The following NAPRT variants were observed in gnomAD, a reference collection of about 807,000 sequenced individuals.
NAPRT encodes nicotinate phosphoribosyltransferase.
Under a neutral mutation model 60.7 loss-of-function variants are expected in NAPRT, and 66 were observed. The observed-to-expected ratio is 1.09, with a 90% CI of 0.89 to 1.33. The LOEUF (loss-of-function observed/expected upper bound fraction) is 1.33. Among genes scored for constraint, NAPRT ranks in the 40% most tolerant of loss-of-function variants. NAPRT has a pLI of 0.00. For synonymous variants in NAPRT, 405 were observed against 335.7 expected (o/e 1.21, Z -2.26); for missense variants, 818 against 731.5 (o/e 1.12, Z -1.36).
At chr8:143,577,537 G>A in intron 3 of NAPRT, 120 bp downstream of exon 3, 1 of 1,451,702 alleles carries the variant, frequency 6.9e-7, no homozygotes. Flanking sequence ...GAAGAGTGGG[G>A]GCGGGAGGCC....
rs1024193103 is a variant in NAPRT at position 143,578,300 on chromosome 8, G to C, written c.19C>G (p.Pro7Ala). The change falls in exon 1 of 13, where the codon CCC becomes GCC. Residue 7 changes from proline (P) to alanine (A), a missense_variant. Physicochemically the swap from Pro to Ala is conservative, Grantham distance 27 (BLOSUM62 -1). Coordinates refer to ENST00000449291, the MANE Select transcript of NAPRT (RefSeq NM_145201.6). The part of the protein sequence containing the change: MAAEQD[P>A]EARAAARPLL... ...GGCCGCGCCGCCGCGCGCGCCTCGG[G>C]GTCCTGCTCCGCCGCCATCCTGCTC... 18 of 1,385,672 alleles carry C rather than the reference G, an allele frequency of 1.3e-5. No homozygotes were observed. The African/African-American group carries it at 2.6e-4, about 20-fold the overall frequency. The allele number at this position is 1,385,672 out of a possible 1,614,324, so 85.8% of individuals were successfully genotyped here.
downstream of NAPRT, chr8:143,574,667 T>G: frequency 1.3e-6 from 1 of 779,282 alleles, no homozygotes; most frequent in Non-Finnish European, 2.2e-6. Context: ...GTGCTTTCAC[T>G]GGGATGCAAA....
chr8:143,573,069 G>T, downstream of NAPRT: 1 of 307,062 alleles, frequency 3.3e-6, no homozygotes, highest in Non-Finnish European at 6.0e-6. Flanking sequence ...GGGCAGTTGT[G>T]GACAGCTCTG....
chr8:143,575,416 G>C lies in NAPRT; in HGVS notation c.1291+7C>G. 2 of 1,592,320 alleles carry C rather than the reference G, an allele frequency of 1.3e-6. No homozygotes were observed. The highest frequency in any genetic ancestry group is 2.2e-5 in the South Asian group (2 of 90,600). ...GGTGGACAGCAGGGGGGATGGGAGG[G>C]CCTCACCGTCAGAGCCCAGGAGCCG... is the stretch of plus-strand genomic sequence containing the variant. On this transcript the variant is annotated splice_region_variant and intron_variant, in intron 10 of 12. Transcript: ENST00000449291.
chr8:143,577,451 C>A (rs1000384538), intron 3 of NAPRT, 52 bp from the exon 4 acceptor site: 1 of 1,560,208 alleles, frequency 6.4e-7, no homozygotes, highest in Admixed American at 1.9e-5. Context: ...ACTAGGCCAC[C>A]CAAGACGGCG....
downstream of NAPRT, chr8:143,573,066 T>G: frequency 3.2e-6 from 1 of 311,446 alleles, no homozygotes. Flanking sequence ...TCAGGGCAGT[T>G]GTGGACAGCT....
rs771253684 is a variant in NAPRT at position 143,577,852 on chromosome 8, C to A, written c.318G>T (p.Val106=). ...CGAGGGAGCCCTCGGGCAGGGCTCG[C>A]ACCGTCACCTCGGAGCAGTCGAGGG... ...LRALDCSEVT[V]RALPEGSLAF... The change falls in exon 2 of 13, where the codon GTG becomes GTT. Residue 106 remains valine (V), a synonymous_variant. Transcript: ENST00000449291. The A allele has an allele frequency of 1.2e-6, 2 of 1,611,842 alleles. No homozygotes were observed. Among genetic ancestry groups the A allele is most frequent in the Non-Finnish European group, 1.7e-6 (2 of 1,179,670 alleles).
chr8:143,573,175 G>T (rs1004162223), downstream of NAPRT, among the ~76,000 whole-genome samples: 1 of 152,096 alleles, frequency 6.6e-6, no homozygotes, highest in East Asian at 1.9e-4. Context: ...TGGGCCTGGG[G>T]CTAGGGGCTG....
intron 8 of NAPRT, 28 bp from the exon 9 acceptor site, chr8:143,575,730 C>A: frequency 6.6e-7 from 1 of 1,512,934 alleles, no homozygotes. Context: ...TGGCCGTGAG[C>A]CCAGCTGCCC....
chr8:143,577,849 T>G lies in NAPRT; in HGVS notation c.321A>C (p.Arg107=). The G allele has an allele frequency of 4.3e-6, 7 of 1,611,510 alleles. No homozygotes were observed. Among genetic ancestry groups the G allele is most frequent in the Non-Finnish European group, 5.9e-6 (7 of 1,179,554 alleles). ...RALDCSEVTV[R]ALPEGSLAFP... is the part of the protein sequence containing the mutation. ...AGGCGAGGGAGCCCTCGGGCAGGGCTCGCACCGTCACCTCGGAGCAGTCGA... is the reference window on the plus strand; with the variant it reads ...AGGCGAGGGAGCCCTCGGGCAGGGCGCGCACCGTCACCTCGGAGCAGTCGA... The change falls in exon 2 of 13, where the codon CGA becomes CGC. Residue 107 remains arginine, a synonymous_variant. Transcript: ENST00000449291.
chr8:143,574,402 C>T (rs755759373), downstream of NAPRT, among the ~76,000 whole-genome samples: 6 of 152,158 alleles, frequency 3.9e-5, 1 homozygote, highest in Middle Eastern at 6.3e-3. Flanking sequence ...CCTAGGCAGG[C>T]GTGGGAGCCC....
chr8:143,577,206 A>G (rs576399287), intron 4 of NAPRT, 29 bp from the exon 5 acceptor site: 1 of 1,605,468 alleles, frequency 6.2e-7, no homozygotes, highest in African/African-American at 1.3e-5. Flanking sequence ...GGATTGGGGG[A>G]CCTCGGGCCA....
At chr8:143,577,553 T>C (rs909733049) in intron 3 of NAPRT, 104 bp downstream of exon 3, 6 of 1,473,138 alleles carry the variant, frequency 4.1e-6, no homozygotes, top group Non-Finnish European at 5.5e-6. Flanking sequence ...AGGCCAGTCC[T>C]GGGACCCCTG....
At chr8:143,573,181 GGCTGGCCCCGCCCCCTGCAC>G (rs1277429027), downstream of NAPRT, among the ~76,000 whole-genome samples, 31 of 152,050 alleles carry the variant, frequency 2.0e-4, 1 homozygote, top group East Asian at 1.2e-3. Context: ...TGGGGCTAGG[GGCTGGCCCCGCCCCCTGCAC>G]GCTGGCTCCG....
rs1352496436 is a variant in NAPRT, at chr8:143,577,720, G to A, written c.374C>T (p.Ser125Phe). 3 of 1,547,580 alleles carry A rather than the reference G, an allele frequency of 1.9e-6. No individual in the cohort carries two copies. The highest frequency in any genetic ancestry group is 2.6e-6 in the Non-Finnish European group (3 of 1,149,260). ...AFPGVPLLQV[S>F]GPLLVVQLLE... ...CAGCTGCACCACCAGGAGCGGCCCG[G>A]ACACCTGCAGGAGCGGCACCTGCGG... The change falls in exon 3 of 13, where the codon TCC becomes TTC. Residue 125 changes from serine (S) to phenylalanine (F), a missense_variant. Transcript: ENST00000449291.
Position 143,575,244 on chromosome 8 carries a change from CG to C in NAPRT, c.1392del (p.Val465Ter). On this transcript the variant is annotated frameshift_variant, in exon 11 of 13. Coordinates refer to ENST00000449291, the MANE Select transcript of NAPRT (RefSeq NM_145201.6). LOFTEE classifies it high-confidence loss of function. Reference protein sequence around the residue: ...VWPPGAQEPCTVRPAQVEPLL... With the variant: ...VWPPGAQEPCXVRPAQVEPLL... ...AGTGGCTCCACCTGGGCTGGCCTCA[CG>C]GTGCAGGGCTCCTGGGCCCCTGGAG... is the stretch of plus-strand genomic sequence containing the variant. The C allele has an allele frequency of 6.2e-7, 1 of 1,612,460 alleles. No homozygotes were observed. The highest frequency in any genetic ancestry group is 8.5e-7 in the Non-Finnish European group (1 of 1,179,920).
At chr8:143,575,146 C>T in intron 11 of NAPRT, 45 bp downstream of exon 11, 1 of 1,578,488 alleles carries the variant, frequency 6.3e-7, no homozygotes, top group East Asian at 2.3e-5. Context: ...CCAGTCAGGG[C>T]TCTACCGGGG....
rs779127340 is a variant in NAPRT at position 143,577,416 on chromosome 8, G to C, written c.438-17C>G. On this transcript the variant is annotated splice_polypyrimidine_tract_variant and intron_variant, in intron 3 of 12. Transcript: ENST00000449291. ...GCCACCAGGCTGTGGGGAGCCAAGA[G>C]TCAGGGGGTCCCAGGGTGAGGATCA... 6 of 1,600,312 alleles carry C rather than the reference G, an allele frequency of 3.7e-6. No individual in the cohort carries two copies. Among genetic ancestry groups the C allele is most frequent in the Non-Finnish European group, 5.1e-6 (6 of 1,173,782 alleles).
chr8:143,574,420 C>T (rs1011434495), downstream of NAPRT, among the ~76,000 whole-genome samples: 5 of 152,184 alleles, frequency 3.3e-5, no homozygotes, highest in Non-Finnish European at 1.5e-5. Flanking sequence ...CCCAGGGCCA[C>T]GGCTGGACCC....
Sources: allele counts gnomAD v4.1 joint callset (sites outside exome capture counted in the v4.1 genomes callset), GRCh38; gene constraint gnomAD v4.1.1; transcripts MANE v1.5; gene names NCBI Gene and HGNC (gene_info 2026-07-23, HGNC 2026-07-21).